NCKAP5L: variants seen among roughly 807,000 people sequenced by gnomAD.
NCKAP5L encodes NCK associated protein 5 like.
In NCKAP5L, 54 loss-of-function variants were observed where a neutral mutation model predicts 103.2. That is an observed-to-expected ratio of 0.52 (90% CI 0.42 to 0.66). The LOEUF (loss-of-function observed/expected upper bound fraction) is 0.66. Ranked by LOEUF, NCKAP5L falls within the 30% of genes least tolerant of loss-of-function variation. The probability of loss-of-function intolerance (pLI) is 0.00; values close to 1 mark genes in which losing one functional copy is unlikely to be tolerated. For synonymous variants in NCKAP5L, 762 were observed against 748.6 expected, an observed-to-expected ratio of 1.02 and a Z score of -0.29; for missense variants, 1,733 against 1,750.6, an observed-to-expected ratio of 0.99 and a Z score of 0.18.
rs907224167 is a variant in NCKAP5L, at chr12:49,792,654, C to CCA, written c.3649+22_3649+23dup. On this transcript the variant is annotated intron_variant, in intron 11 of 12. Coordinates refer to ENST00000335999, the MANE Select transcript of NCKAP5L (RefSeq NM_001037806.4). The surrounding 1 kb of genome is among the most constrained non-coding windows in gnomAD (Gnocchi z 4.5). ...CAGCTCCAGGATGCCCAGGGGCATC[C>CCA]CACCCTCCCACCTGGACACTCACCA... 6.2e-7 allele frequency: 1 copy of CCA among 1,612,872 alleles called. No individual in the cohort carries two copies. Among genetic ancestry groups the CCA allele is most frequent in the African/African-American group, 1.3e-5 (1 of 74,832 alleles).
Position 49,795,220 on chromosome 12 carries a change from G to C in NCKAP5L, c.2640C>G (p.His880Gln), listed in dbSNP as rs1946015257. 1 of 1,569,782 alleles carries C rather than the reference G, an allele frequency of 6.4e-7. No homozygotes were observed. The highest frequency in any genetic ancestry group is 1.2e-5 in the South Asian group (1 of 84,184). The stretch of plus-strand genomic sequence containing the variant: ...TCATCACCTTCTCCTCGATGGCTGA[G>C]TGTGGGGCCAGCCCCTCAGGGCCCT... ...PSQGPEGLAP[H>Q]SAIEEKVMKG... The change falls in exon 8 of 13, where the codon CAC becomes CAG. Residue 880 changes from histidine to glutamine, a missense_variant. Coordinates refer to ENST00000335999, the MANE Select transcript of NCKAP5L (RefSeq NM_001037806.4).
At chr12:49,804,192 A>G in intron 2 of NCKAP5L, 112 bp from the exon 3 acceptor site, 1 of 1,036,208 alleles carries the variant, frequency 9.7e-7, no homozygotes, top group Non-Finnish European at 1.3e-6. Context: ...GTAATAACTC[A>G]GGGCCAGGCT....
In NCKAP5L at chr12:49,825,500, C is replaced by T. The variant is rs149947688; in HGVS notation, c.-99+2822G>A. Among the ~76,000 whole-genome samples the T allele has an allele frequency of 1.3e-4, 20 of 152,322 alleles. No individual in the cohort carries two copies. The East Asian group carries it at 3.3e-3, about 25-fold the overall frequency. On this transcript the variant is annotated intron_variant, in intron 1 of 12. Coordinates refer to ENST00000335999, the MANE Select transcript of NCKAP5L (RefSeq NM_001037806.4). Reference sequence around the variant, plus strand: ...GGGCCCTTTCTCTTCCTCCTTCTAACGGGGCCTCTGGCTGGCCAGCCTCAG... The same window carrying T: ...GGGCCCTTTCTCTTCCTCCTTCTAATGGGGCCTCTGGCTGGCCAGCCTCAG...
chr12:49,791,680 G>A lies in NCKAP5L; in HGVS notation c.*159C>T. On this transcript the variant is annotated 3_prime_UTR_variant, in exon 13 of 13. Transcript: ENST00000335999. ...GGTCATCTCATCCGCCGAAGCAGTGGGTGGTGGGGTGTGCCAGGGACCCCC... is the reference window on the plus strand; with the variant it reads ...GGTCATCTCATCCGCCGAAGCAGTGAGTGGTGGGGTGTGCCAGGGACCCCC... 1.7e-6 allele frequency: 1 copy of A among 594,366 alleles called. No homozygotes were observed. Among genetic ancestry groups the A allele is most frequent in the Non-Finnish European group, 2.9e-6 (1 of 349,138 alleles). 36.8% of individuals were successfully genotyped at this position (594,366 alleles called of 1,614,324 possible). A position where few individuals can be genotyped will look rare whatever the true frequency, so the allele number is the denominator to read the frequency against.
In NCKAP5L at chr12:49,792,200, C is replaced by A; in HGVS notation, c.3793-149G>T. 1 of 1,041,778 alleles carries A rather than the reference C, an allele frequency of 9.6e-7. No homozygotes were observed. The highest frequency in any genetic ancestry group is 1.4e-5 in the South Asian group (1 of 69,862). 64.5% of individuals were successfully genotyped at this position (1,041,778 alleles called of 1,614,324 possible). A position where few individuals can be genotyped will look rare whatever the true frequency, so the allele number is the denominator to read the frequency against. On this transcript the variant is annotated intron_variant, in intron 12 of 12. Coordinates refer to ENST00000335999, the MANE Select transcript of NCKAP5L (RefSeq NM_001037806.4). This position sits in a 1 kb window ranked among gnomAD's most constrained non-coding sequence, Gnocchi z 4.5. ...TGGGGTATACTTCAGAGGAAACAGGCTGGAGGTACAACTGAGAACAGTCCT... is the reference window on the plus strand; with the variant it reads ...TGGGGTATACTTCAGAGGAAACAGGATGGAGGTACAACTGAGAACAGTCCT...
chr12:49,803,073 C>A (rs755066145), intron 4 of NCKAP5L, 24 bp downstream of exon 4: 1 of 1,614,256 alleles, frequency 6.2e-7, no homozygotes, highest in Non-Finnish European at 8.5e-7. Flanking sequence ...CACATCCCCC[C>A]AGTCCCACTA....
Position 49,807,969 on chromosome 12 carries a change from A to G in NCKAP5L, c.-98-1928T>C, listed in dbSNP as rs183018073. Among the ~76,000 whole-genome samples, 373 of 152,344 alleles carry G rather than the reference A, an allele frequency of 2.4e-3. 1 individual carries two copies. The highest frequency in any genetic ancestry group is 0.012 in the South Asian group (58 of 4,826). On this transcript the variant is annotated intron_variant, in intron 1 of 12. Transcript: ENST00000335999. ...ACGCTAAGGACCGGGAAACCCTAAGATTTGTGTTCTTCACAAGAAAGCAAC... is the reference window on the plus strand; with the variant it reads ...ACGCTAAGGACCGGGAAACCCTAAGGTTTGTGTTCTTCACAAGAAAGCAAC...
In NCKAP5L at chr12:49,795,721, G is replaced by T; in HGVS notation, c.2139C>A (p.His713Gln). The change falls in exon 8 of 13, where the codon CAC becomes CAA. Residue 713 changes from histidine to glutamine, a missense_variant. Coordinates refer to ENST00000335999, the MANE Select transcript of NCKAP5L (RefSeq NM_001037806.4). Reference protein sequence around the residue: ...ESAGDMVPSIHRPLEQLEAKG... With the variant: ...ESAGDMVPSIQRPLEQLEAKG... ...TGGCTTCTAGCTGCTCCAGTGGCCTGTGGATGGAGGGCACCATGTCTCCAG... is the reference window on the plus strand; with the variant it reads ...TGGCTTCTAGCTGCTCCAGTGGCCTTTGGATGGAGGGCACCATGTCTCCAG... 1 of 1,608,090 alleles carries T rather than the reference G, an allele frequency of 6.2e-7. No homozygotes were observed. Among genetic ancestry groups the T allele is most frequent in the Non-Finnish European group, 8.5e-7 (1 of 1,177,442 alleles).
At position 49,796,046 on chromosome 12, in the gene NCKAP5L, G is replaced by C. The variant is rs1419230626; in HGVS notation, c.1814C>G (p.Pro605Arg). The C allele has an allele frequency of 1.7e-5, 26 of 1,569,846 alleles. No individual in the cohort carries two copies. The highest frequency in any genetic ancestry group is 2.2e-5 in the Non-Finnish European group (25 of 1,161,530). Reference sequence around the variant, plus strand: ...GTACGATTCTGGGAGGCAAGGACTGGGGGGTACTCCAGGGCTTCTGAGGAC... The same window carrying C: ...GTACGATTCTGGGAGGCAAGGACTGCGGGGTACTCCAGGGCTTCTGAGGAC... ...PEVLRSPGVP[P>R]SPCLPESYPY... The change falls in exon 8 of 13, where the codon CCC (proline) becomes CGC (arginine). Residue 605 changes from proline (P) to arginine (R), a missense_variant. Physicochemically the swap from Pro to Arg is moderately radical, Grantham distance 103. Transcript: ENST00000335999.
intron 1 of NCKAP5L, among the ~76,000 whole-genome samples, chr12:49,823,464 A>G (rs1382314866): frequency 6.6e-6 from 1 of 152,096 alleles, no homozygotes; most frequent in Non-Finnish European, 1.5e-5. Context: ...AGCCCTGCCT[A>G]GAAAAACCTT....
intron 1 of NCKAP5L, among the ~76,000 whole-genome samples, chr12:49,820,313 C>G (rs1201891898): frequency 8.2e-6 from 1 of 121,422 alleles, no homozygotes; most frequent in Non-Finnish European, 1.7e-5. Flanking sequence ...ATCTCCTGGC[C>G]TTTTTTTTTT....
chr12:49,801,973 G>A lies in NCKAP5L; in HGVS notation c.232-6C>T, dbSNP rs142653975. 3.4e-5 allele frequency: 55 copies of A among 1,613,428 alleles called. No homozygotes were observed. The highest frequency in any genetic ancestry group is 3.3e-4 in the African/African-American group (25 of 75,022). On this transcript the variant is annotated splice_region_variant and splice_polypyrimidine_tract_variant and intron_variant, in intron 5 of 12. Coordinates refer to ENST00000335999, the MANE Select transcript of NCKAP5L (RefSeq NM_001037806.4). Reference sequence around the variant, plus strand: ...ATGCACTCCTCTCGCAGGTCCTGCCGCCCACCCCGGGAAGTGCAGGAAGAA... The same window carrying A: ...ATGCACTCCTCTCGCAGGTCCTGCCACCCACCCCGGGAAGTGCAGGAAGAA...
At position 49,797,524 on chromosome 12, in the gene NCKAP5L, A is replaced by G. The variant is rs975594974; in HGVS notation, c.466-130T>C. Reference sequence around the variant, plus strand: ...TGGCCTGGTTGTGTCTGTGTCCCCAAAAGGAATTAACAGCAACTGGGATAT... The same window carrying G: ...TGGCCTGGTTGTGTCTGTGTCCCCAGAAGGAATTAACAGCAACTGGGATAT... On this transcript the variant is annotated intron_variant, in intron 7 of 12. Coordinates refer to ENST00000335999, the MANE Select transcript of NCKAP5L (RefSeq NM_001037806.4). The surrounding 1 kb of genome is among the most constrained non-coding windows in gnomAD (Gnocchi z 4.5). 28 of 686,446 alleles carry G rather than the reference A, an allele frequency of 4.1e-5. No individual in the cohort carries two copies. Among genetic ancestry groups the G allele is most frequent in the Non-Finnish European group, 5.6e-5 (23 of 413,514 alleles). The allele number at this position is 686,446 out of a possible 1,614,324, so 42.5% of individuals were successfully genotyped here.
chr12:49,809,193 C>A (rs1946213287), intron 1 of NCKAP5L, among the ~76,000 whole-genome samples: 2 of 152,158 alleles, frequency 1.3e-5, no homozygotes, highest in African/African-American at 4.8e-5. Context: ...CAGGAGGGGA[C>A]AGGGGCTTTC....
Position 49,801,835 on chromosome 12 carries a change from C to G in NCKAP5L, c.351+13G>C. 1.9e-6 allele frequency: 3 copies of G among 1,613,656 alleles called. No individual in the cohort carries two copies. The highest frequency in any genetic ancestry group is 2.5e-6 in the Non-Finnish European group (3 of 1,179,704). On this transcript the variant is annotated intron_variant, in intron 6 of 12. Coordinates refer to ENST00000335999, the MANE Select transcript of NCKAP5L (RefSeq NM_001037806.4). The stretch of plus-strand genomic sequence containing the variant: ...GGCAGTGCGATGGGAGTGAAAGGAG[C>G]GCAGATGCCTACCTGAGGGAGCGAG...
chr12:49,795,612 G>C lies in NCKAP5L; in HGVS notation c.2248C>G (p.Arg750Gly). 6.3e-7 allele frequency: 1 copy of C among 1,597,392 alleles called. No individual in the cohort carries two copies. The highest frequency in any genetic ancestry group is 1.3e-5 in the African/African-American group (1 of 74,584). The change falls in exon 8 of 13, where the codon CGA becomes GGA. Residue 750 changes from arginine (R) to glycine (G), a missense_variant. Coordinates refer to ENST00000335999, the MANE Select transcript of NCKAP5L (RefSeq NM_001037806.4). ...CCCATGGAGTGAGAGGAGTAGACTCGGGCCCCGGGATCCCCCATAAGTCCA... is the reference window on the plus strand; with the variant it reads ...CCCATGGAGTGAGAGGAGTAGACTCCGGCCCCGGGATCCCCCATAAGTCCA... Reference protein sequence around the residue: ...EPGLMGDPGARVYSSHSMGAR... With the variant: ...EPGLMGDPGAGVYSSHSMGAR...
In NCKAP5L at chr12:49,804,117, G is replaced by A. The variant is rs1240641521; in HGVS notation, c.-36-37C>T. 4 of 1,579,286 alleles carry A rather than the reference G, an allele frequency of 2.5e-6. No individual in the cohort carries two copies. In the African/African-American group the frequency reaches 5.4e-5, roughly 21 times the overall value. On this transcript the variant is annotated intron_variant, in intron 2 of 12. Transcript: ENST00000335999. ...AATGAGGAGGAAGTGAGAAGGAGGA[G>A]GACAAAGATGAAACCCTTTAGTCTC...
At position 49,795,541 on chromosome 12, in the gene NCKAP5L, G is replaced by C; in HGVS notation, c.2319C>G (p.Thr773=). 1 of 1,535,334 alleles carries C rather than the reference G, an allele frequency of 6.5e-7. No homozygotes were observed. ...LEPVSPRSCL[T]KVELAKSRLA... The stretch of plus-strand genomic sequence containing the variant: ...GCCGGCTCTTGGCCAGCTCCACTTT[G>C]GTGAGGCAGCTCCTTGGTGAGACAG... Residue 773 remains threonine, a synonymous_variant, in exon 8 of 13, where the codon ACC becomes ACG. Transcript: ENST00000335999.
At position 49,795,542 on chromosome 12, in the gene NCKAP5L, G is replaced by C; in HGVS notation, c.2318C>G (p.Thr773Ser). ...CCGGCTCTTGGCCAGCTCCACTTTG[G>C]TGAGGCAGCTCCTTGGTGAGACAGG... is the stretch of plus-strand genomic sequence containing the variant. ...LEPVSPRSCL[T>S]KVELAKSRLA... Residue 773 changes from threonine (T) to serine (S), a missense_variant, in exon 8 of 13, where the codon ACC becomes AGC. Transcript: ENST00000335999. The C allele has an allele frequency of 2.6e-6, 4 of 1,535,556 alleles. No individual in the cohort carries two copies. The highest frequency in any genetic ancestry group is 1.7e-6 in the Non-Finnish European group (2 of 1,145,268).
Sources: allele counts gnomAD v4.1 joint callset (sites outside exome capture counted in the v4.1 genomes callset), GRCh38; gene constraint gnomAD v4.1.1; non-coding constraint Gnocchi (gnomAD v3.1); transcripts MANE v1.5; gene names NCBI Gene and HGNC (gene_info 2026-07-23, HGNC 2026-07-21).